Variants in MTMR10 observed in about 807,000 individuals in gnomAD.
MTMR10 encodes myotubularin-related protein 10.
Under a neutral mutation model 88.1 loss-of-function variants are expected in MTMR10, and 56 were observed. The ratio of observed to expected loss-of-function variants is 0.64; its 90% confidence interval spans 0.51 to 0.79. MTMR10 has a LOEUF of 0.79. MTMR10 is among the 30% of genes least tolerant of loss of function. The probability of loss-of-function intolerance (pLI) is 0.00; values close to 1 mark genes in which losing one functional copy is unlikely to be tolerated. For missense variants in MTMR10, 883 were observed against 924.7 expected, an observed-to-expected ratio of 0.95 and a Z score of 0.58; for synonymous variants, 380 against 340.9, an observed-to-expected ratio of 1.11 and a Z score of -1.26.
the MTMR10 span, among the ~76,000 whole-genome samples, chr15:30,929,818 A>T: frequency 1.3e-4 from 6 of 44,924 alleles, 1 homozygote; most frequent in Admixed American, 1.6e-3. Context: ...TATATAATAT[A>T]TTATATCATA....
the MTMR10 span, chr15:30,922,136 C>G: frequency 7.1e-7 from 1 of 1,404,784 alleles, no homozygotes; most frequent in Non-Finnish European, 9.7e-7. Flanking sequence ...GAAAGATACG[C>G]ATTATAAATA....
At chr15:30,925,495 G>C in the MTMR10 span, among the ~76,000 whole-genome samples, 11 of 152,176 alleles carry the variant, frequency 7.2e-5, no homozygotes, top group African/African-American at 2.7e-4. Context: ...TGCTTGGTGT[G>C]GTCACACCCT....
intron 9 of MTMR10, chr15:30,956,261 G>C (rs950763): frequency 6.6e-6 from 1 of 152,140 alleles, no homozygotes; most frequent in African/African-American, 2.4e-5. Context: ...AATATGTAAT[G>C]TGTCATGAAC....
At chr15:30,959,891 C>A (rs1182817984) in intron 7 of MTMR10, among the ~76,000 whole-genome samples, 1 of 152,108 alleles carries the variant, frequency 6.6e-6, no homozygotes, top group Non-Finnish European at 1.5e-5. Flanking sequence ...CCAAAAAATT[C>A]ATAATAACTA....
chr15:30,925,888 T>G, the MTMR10 span: 3 of 1,614,206 alleles, frequency 1.9e-6, no homozygotes, highest in Non-Finnish European at 2.5e-6. Flanking sequence ...GGTCCTGTGC[T>G]CTGTGGAGGA....
chr15:30,962,422 C>A (rs2063414505), intron 6 of MTMR10, among the ~76,000 whole-genome samples: 1 of 152,204 alleles, frequency 6.6e-6, no homozygotes, highest in Non-Finnish European at 1.5e-5. Flanking sequence ...CAGCAGCTTA[C>A]CACAAGACAC....
At chr15:30,970,612 A>G (rs1417573294) in intron 5 of MTMR10, among the ~76,000 whole-genome samples, 1 of 152,208 alleles carries the variant, frequency 6.6e-6, no homozygotes, top group African/African-American at 2.4e-5. Context: ...TGTCTATCAC[A>G]TTCTCCAAAA....
intron 2 of MTMR10, among the ~76,000 whole-genome samples, chr15:30,981,979 G>C (rs2030607857): frequency 6.6e-6 from 1 of 151,756 alleles, no homozygotes. Flanking sequence ...GCTGAGGCAG[G>C]AGAATCGCTC....
chr15:30,925,689 CT>C, the MTMR10 span: 2 of 1,345,202 alleles, frequency 1.5e-6, no homozygotes, highest in Non-Finnish European at 2.1e-6. Flanking sequence ...AAGTGACTGA[CT>C]TTGTGGTAAG....
At chr15:30,953,710 T>A in intron 10 of MTMR10, 79 bp from the exon 11 acceptor site, 1 of 931,466 alleles carries the variant, frequency 1.1e-6, no homozygotes, top group Non-Finnish European at 1.6e-6. Flanking sequence ...TACATCAGTT[T>A]CTAATATTTA....
At chr15:30,967,037 C>T (rs1378533111) in intron 6 of MTMR10, among the ~76,000 whole-genome samples, 1 of 151,902 alleles carries the variant, frequency 6.6e-6, no homozygotes, top group Non-Finnish European at 1.5e-5. Flanking sequence ...AAATTACTAC[C>T]ATGTTTCGTG....
chr15:30,929,528 T>C, the MTMR10 span: 13 of 239,116 alleles, frequency 5.4e-5, no homozygotes, highest in Admixed American at 1.4e-4. Context: ...ATATATATGA[T>C]ATATAGTATA....
intron 11 of MTMR10, 57 bp downstream of exon 11, chr15:30,953,505 G>T: frequency 7.5e-7 from 1 of 1,329,670 alleles, no homozygotes; most frequent in Non-Finnish European, 1.0e-6. Context: ...CCTCCAGTGA[G>T]TCTGTAGTTA....
chr15:30,945,200 G>A (rs944355630), intron 14 of MTMR10, among the ~76,000 whole-genome samples: 2 of 152,054 alleles, frequency 1.3e-5, no homozygotes, highest in African/African-American at 4.8e-5. Context: ...TAAGAATCAC[G>A]ACCCTTAGAC....
At chr15:30,927,687 C>T in the MTMR10 span, 10 of 985,454 alleles carry the variant, frequency 1.0e-5, no homozygotes, top group Non-Finnish European at 1.2e-5. Context: ...TGGTCAGCAC[C>T]TCCTCTGGCC....
the MTMR10 span, among the ~76,000 whole-genome samples, chr15:30,926,170 T>C: frequency 3.3e-5 from 5 of 152,220 alleles, no homozygotes. Flanking sequence ...TATAAAAACT[T>C]ATAAAAGTTA....
the MTMR10 span, among the ~76,000 whole-genome samples, chr15:30,929,773 AATATAT>A: frequency 3.9e-5 from 1 of 25,806 alleles, no homozygotes; most frequent in East Asian, 8.5e-3. Flanking sequence ...TAAAATATAT[AATATAT>A]TATATCATAT....
At chr15:30,947,727 G>A (rs565524901) in intron 13 of MTMR10, among the ~76,000 whole-genome samples, 5 of 152,316 alleles carry the variant, frequency 3.3e-5, no homozygotes, top group South Asian at 4.1e-4. Flanking sequence ...ACTTTGGGAT[G>A]AGCCTAGGTC....
chr15:30,937,188 A>C, downstream of MTMR10: 1 of 1,614,140 alleles, frequency 6.2e-7, no homozygotes, highest in East Asian at 2.2e-5. Context: ...TGAACTGCAG[A>C]AGCTGGGGGC....
Sources: allele counts gnomAD v4.1 joint callset (sites outside exome capture counted in the v4.1 genomes callset), GRCh38; gene constraint gnomAD v4.1.1; transcripts MANE v1.5; gene names NCBI Gene and HGNC (gene_info 2026-07-23, HGNC 2026-07-21).